Variants in FAM13B observed in about 807,000 individuals in gnomAD.
The protein encoded by FAM13B is protein FAM13B.
Under a neutral mutation model 117.3 loss-of-function variants are expected in FAM13B, and 60 were observed. That is an observed-to-expected ratio of 0.51 (90% CI 0.42 to 0.63). The LOEUF is 0.63. Among genes scored for constraint, FAM13B ranks in the 30% least tolerant of loss-of-function variants. The pLI, the probability that FAM13B is intolerant of heterozygous loss-of-function variation, is 0.00. For synonymous variants in FAM13B, 332 were observed against 356.1 expected (o/e 0.93, Z 0.76); for missense variants, 972 against 1,091.9 (o/e 0.89, Z 1.55).
At chr5:137,958,870 A>G (rs1029552170) in intron 13 of FAM13B, among the ~76,000 whole-genome samples, 2 of 152,104 alleles carry the variant, frequency 1.3e-5, no homozygotes, top group South Asian at 4.1e-4. Flanking sequence ...TAACCATCTT[A>G]TTTTTTTCAT....
chr5:138,008,575 T>C (rs1361336656), intron 6 of FAM13B, among the ~76,000 whole-genome samples: 3 of 152,224 alleles, frequency 2.0e-5, no homozygotes, highest in African/African-American at 4.8e-5. Flanking sequence ...AAGTATAAAA[T>C]GGAGATGCTA....
At chr5:137,952,797 C>G (rs1025975210) in intron 16 of FAM13B, 88 bp from the exon 17 acceptor site, 1 of 745,090 alleles carries the variant, frequency 1.3e-6, no homozygotes, top group African/African-American at 1.8e-5. Flanking sequence ...ACAATTCCCA[C>G]AGCAAAGACT....
chr5:137,940,828 A>G (rs1228443584), intron 23 of FAM13B, among the ~76,000 whole-genome samples: 11 of 152,240 alleles, frequency 7.2e-5, no homozygotes, highest in Admixed American at 7.2e-4. Flanking sequence ...GCATCAAACT[A>G]TCCTAACTAT....
At position 137,954,456 on chromosome 5, in the gene FAM13B, G is replaced by C. The variant is rs1474708468; in HGVS notation, c.1508-80C>G. The C allele has an allele frequency of 2.4e-5, 25 of 1,048,624 alleles. No individual in the cohort carries two copies. The East Asian group carries it at 6.4e-4, about 27-fold the overall frequency. 65.0% of individuals were successfully genotyped at this position (1,048,624 alleles called of 1,614,324 possible). ...AAAAGTCACAAAATATCAGCTATGT[G>C]TTCCTTAAATCATATCATTATGTAG... On this transcript the variant is annotated intron_variant, in intron 14 of 23. Coordinates refer to ENST00000689681, the MANE Select transcript of FAM13B (RefSeq NM_001385994.1).
At position 137,939,863 on chromosome 5, in the gene FAM13B, T is replaced by C. The variant is rs1214945845; in HGVS notation, c.*362A>G. 2.3e-6 allele frequency: 3 copies of C among 1,322,050 alleles called. No individual in the cohort carries two copies. The highest frequency in any genetic ancestry group is 1.9e-6 in the Non-Finnish European group (2 of 1,039,064). 81.9% of individuals were successfully genotyped at this position (1,322,050 alleles called of 1,614,324 possible). On this transcript the variant is annotated 3_prime_UTR_variant, in exon 24 of 24. Coordinates refer to ENST00000689681, the MANE Select transcript of FAM13B (RefSeq NM_001385994.1). ...ATTTTCCTCCAATTTTCTTCAGTAA[T>C]GAGAAACAAAAAGTTGGTAATAACA...
At chr5:138,025,222 T>C (rs1021384175) in intron 1 of FAM13B, among the ~76,000 whole-genome samples, 1 of 148,668 alleles carries the variant, frequency 6.7e-6, no homozygotes, top group African/African-American at 2.5e-5. Flanking sequence ...TGACAAGGAA[T>C]AGGAAATTAC....
intron 1 of FAM13B, among the ~76,000 whole-genome samples, chr5:138,051,316 C>G (rs1791793395): frequency 6.6e-6 from 1 of 152,102 alleles, no homozygotes; most frequent in African/African-American, 2.4e-5. Flanking sequence ...TTGTGTAGAA[C>G]AGATTCCTGG....
chr5:137,952,491 C>CA (rs1401068345), intron 17 of FAM13B, 137 bp downstream of exon 17: 3 of 588,270 alleles, frequency 5.1e-6, no homozygotes, highest in African/African-American at 3.7e-5. Context: ...CCTAATAAAA[C>CA]AAAAAAAGGT....
chr5:137,970,741 G>A (rs1323925447), intron 10 of FAM13B, among the ~76,000 whole-genome samples: 1 of 152,130 alleles, frequency 6.6e-6, no homozygotes, highest in Non-Finnish European at 1.5e-5. Context: ...ACACACACAG[G>A]CTCAAAATAA....
chr5:138,002,786 C>A (rs1420247334), intron 7 of FAM13B, among the ~76,000 whole-genome samples: 1 of 150,562 alleles, frequency 6.6e-6, no homozygotes, highest in Non-Finnish European at 1.5e-5. Flanking sequence ...CTGCCTCAGC[C>A]TCCCGAGTAG....
intron 7 of FAM13B, among the ~76,000 whole-genome samples, chr5:138,005,095 G>A (rs1175759503): frequency 6.6e-6 from 1 of 152,066 alleles, no homozygotes; most frequent in Non-Finnish European, 1.5e-5. Context: ...AAGTTAGCTG[G>A]GCATGGTGAT....
intron 11 of FAM13B, among the ~76,000 whole-genome samples, chr5:137,961,999 A>G (rs916311619): frequency 1.3e-5 from 2 of 152,238 alleles, no homozygotes; most frequent in African/African-American, 4.8e-5. Context: ...GGATAAATTC[A>G]AAGAGGAAGA....
chr5:137,950,446 G>A (rs1200104115), intron 17 of FAM13B, among the ~76,000 whole-genome samples: 5 of 152,174 alleles, frequency 3.3e-5, no homozygotes, highest in African/African-American at 9.6e-5. Flanking sequence ...AGGGCAGACT[G>A]TGCAAGGCCT....
In FAM13B at chr5:138,018,533, A is replaced by G; in HGVS notation, c.158-19T>C. 8 of 1,600,474 alleles carry G rather than the reference A, an allele frequency of 5.0e-6. No individual in the cohort carries two copies. Among genetic ancestry groups the G allele is most frequent in the Non-Finnish European group, 6.0e-6 (7 of 1,168,152 alleles). On this transcript the variant is annotated intron_variant, in intron 3 of 23. Coordinates refer to ENST00000689681, the MANE Select transcript of FAM13B (RefSeq NM_001385994.1). The stretch of plus-strand genomic sequence containing the variant: ...AGACCTCCTACGTTAGTTCAAGGCA[A>G]TCATTCAATAAGCTGCAATGTCAAC...
intron 23 of FAM13B, 78 bp downstream of exon 23, chr5:137,941,866 G>T (rs114279768): frequency 8.4e-7 from 1 of 1,188,886 alleles, no homozygotes; most frequent in Non-Finnish European, 1.2e-6. Context: ...CTAATCCCAC[G>T]TATTCCATTA....
chr5:137,954,005 G>C (rs747930683), intron 15 of FAM13B, among the ~76,000 whole-genome samples, 161 bp downstream of exon 15: 2 of 149,892 alleles, frequency 1.3e-5, no homozygotes, highest in African/African-American at 4.9e-5. Context: ...CAGTGAGAAA[G>C]CTCTGAATTC....
At chr5:137,975,858 A>T (rs1200233362) in intron 10 of FAM13B, among the ~76,000 whole-genome samples, 1 of 146,910 alleles carries the variant, frequency 6.8e-6, no homozygotes, top group Admixed American at 6.9e-5. Flanking sequence ...GTCTCTCCCT[A>T]TCTAGTGAGT....
intron 1 of FAM13B, among the ~76,000 whole-genome samples, chr5:138,022,771 T>A (rs1787111065): frequency 6.6e-6 from 1 of 151,956 alleles, no homozygotes; most frequent in South Asian, 2.1e-4. Flanking sequence ...GTTTTATACA[T>A]CACTAAAATG....
chr5:137,962,592 A>G, intron 10 of FAM13B, 123 bp from the exon 11 acceptor site: 5 of 765,030 alleles, frequency 6.5e-6, no homozygotes, highest in Non-Finnish European at 8.6e-6. Context: ...GCTATCATTT[A>G]TAATAGTCTG....
Sources: gnomAD v4.1 joint callset for allele counts (sites outside exome capture counted in the v4.1 genomes callset) on GRCh38, gnomAD v4.1.1 for gene constraint, MANE v1.5 for transcripts, NCBI Gene and HGNC (gene_info 2026-07-23, HGNC 2026-07-21) for gene names.